SEMA6D: variants seen among roughly 807,000 people sequenced by gnomAD.
SEMA6D encodes semaphorin-6D.
In SEMA6D, 35 loss-of-function variants were observed where a neutral mutation model predicts 106.6. The observed-to-expected ratio is 0.33, with a 90% confidence interval of 0.25 to 0.44. SEMA6D has a LOEUF of 0.44. SEMA6D is among the 20% of genes least tolerant of loss of function. The probability of loss-of-function intolerance (pLI) is 1.00; values close to 1 mark genes in which losing one functional copy is unlikely to be tolerated. For missense variants in SEMA6D, 1,185 were observed against 1,345.9 expected, an observed-to-expected ratio of 0.88 and a Z score of 1.87; for synonymous variants, 499 against 487.7, an observed-to-expected ratio of 1.02 and a Z score of -0.31.
intron 1 of SEMA6D, chr15:47,396,268 T>G (rs2040211096): frequency 6.6e-6 from 1 of 151,822 alleles, no homozygotes; most frequent in African/African-American, 2.4e-5. Flanking sequence ...GCTGTATTAG[T>G]CAGGGATCTC....
Position 47,762,343 on chromosome 15 carries a change from G to A in SEMA6D, c.658+24G>A, listed in dbSNP as rs764326701. 7 of 1,610,306 alleles carry A rather than the reference G, an allele frequency of 4.3e-6. No individual in the cohort carries two copies. In the African/African-American group the frequency reaches 9.4e-5, roughly 22 times the overall value. Reference sequence around the variant, plus strand: ...AGGTACCTTTGAAGAGCAGTGTCGTGGGGTCACCAGGATAGTGGATGGCCC... The same window carrying A: ...AGGTACCTTTGAAGAGCAGTGTCGTAGGGTCACCAGGATAGTGGATGGCCC... On this transcript the variant is annotated intron_variant, in intron 8 of 18. Transcript: ENST00000536845.
chr15:47,554,839 G>A (rs1039318689), intron 3 of SEMA6D, among the ~76,000 whole-genome samples: 5 of 152,092 alleles, frequency 3.3e-5, no homozygotes, highest in South Asian at 2.1e-4. Flanking sequence ...AAAGCAAGGC[G>A]GTCTGTGTTC....
At chr15:47,241,845 A>G (rs1250871238) in intron 1 of SEMA6D, among the ~76,000 whole-genome samples, 1 of 152,108 alleles carries the variant, frequency 6.6e-6, no homozygotes, top group Non-Finnish European at 1.5e-5. Flanking sequence ...ACCTAGCTGA[A>G]TGTAGGGGCA....
At chr15:47,333,063 G>A (rs1315587955) in intron 1 of SEMA6D, among the ~76,000 whole-genome samples, 1 of 152,158 alleles carries the variant, frequency 6.6e-6, no homozygotes, top group Non-Finnish European at 1.5e-5. Flanking sequence ...TTACATGGAA[G>A]CTGTCACTTT....
chr15:47,765,186 C>G (rs1479818082), intron 13 of SEMA6D, 130 bp downstream of exon 13: 77 of 1,438,680 alleles, frequency 5.4e-5, no homozygotes, highest in Non-Finnish European at 7.0e-5. Flanking sequence ...TGTTTTTTTT[C>G]TCATTGAAAT....
chr15:47,593,786 G>C (rs970366444), intron 3 of SEMA6D, among the ~76,000 whole-genome samples: 1 of 152,160 alleles, frequency 6.6e-6, no homozygotes. Context: ...TGGCGGAAGG[G>C]GGAGTAGGTG....
Position 47,247,619 on chromosome 15 carries a change from C to T in SEMA6D, c.-239+63201C>T, listed in dbSNP as rs1595536771. Among the ~76,000 whole-genome samples, 2 of 152,236 alleles carry T rather than the reference C, an allele frequency of 1.3e-5. 1 individual carries two copies. Among genetic ancestry groups the T allele is most frequent in the Admixed American group, 1.3e-4 (2 of 15,298 alleles). On this transcript the variant is annotated intron_variant, in intron 1 of 19. Transcript: ENST00000558014. ...TGATAAACATACTCCTATTTGTTTT[C>T]TTATCTATCTATCTGTCTTCTATAA... is the stretch of plus-strand genomic sequence containing the variant.
intron 1 of SEMA6D, among the ~76,000 whole-genome samples, chr15:47,186,638 T>G (rs113382782): frequency 4.6e-5 from 7 of 152,310 alleles, no homozygotes; most frequent in Admixed American, 1.3e-4. Flanking sequence ...ATTGTTCTTT[T>G]GTCTACTTGT....
intron 1 of SEMA6D, among the ~76,000 whole-genome samples, chr15:47,308,012 A>G (rs1258654990): frequency 5.4e-5 from 8 of 147,680 alleles, no homozygotes; most frequent in Non-Finnish European, 1.0e-4. Context: ...GCCTGCAAAA[A>G]TTTCAGAATT....
rs572348238 is a variant in SEMA6D at position 47,618,275 on chromosome 15, C to T, written c.-55+17379C>T. ...ATCAGACTGTCCTAAAAGAGCAGCT[C>T]ATTTATTTGAAAAACCATACAATCC... On this transcript the variant is annotated intron_variant, in intron 4 of 19. Coordinates refer to the SEMA6D transcript ENST00000558014. Among the ~76,000 whole-genome samples, 23 of 152,310 alleles carry T rather than the reference C, an allele frequency of 1.5e-4. No individual in the cohort carries two copies. The East Asian group carries it at 3.9e-3, about 26-fold the overall frequency.
chr15:47,201,797 T>A (rs62017389), intron 1 of SEMA6D, among the ~76,000 whole-genome samples: 1 of 152,192 alleles, frequency 6.6e-6, no homozygotes. Context: ...AGCCTGTTGC[T>A]GTTGGTCAGA....
chr15:47,517,527 C>T lies in SEMA6D; in HGVS notation c.-87+46982C>T, dbSNP rs139372723. Among the ~76,000 whole-genome samples the T allele has an allele frequency of 4.2e-3, 643 of 152,232 alleles. 3 individuals carry two copies. Among genetic ancestry groups the T allele is most frequent in the Non-Finnish European group, 6.7e-3 (456 of 68,006 alleles). ...TCATTTTTAGATATATCTCAGGAAA[C>T]AGACTGGGAACAAAATATAACCTGA... On this transcript the variant is annotated intron_variant, in intron 3 of 19. Coordinates refer to the SEMA6D transcript ENST00000558014.
intron 1 of SEMA6D, among the ~76,000 whole-genome samples, chr15:47,272,232 CAAGT>C (rs1407196311): frequency 1.3e-5 from 2 of 152,180 alleles, no homozygotes; most frequent in Non-Finnish European, 2.9e-5. Flanking sequence ...TTAAGTTTTA[CAAGT>C]AACAGAATCC....
chr15:47,577,434 A>C (rs1199640452), intron 3 of SEMA6D, among the ~76,000 whole-genome samples: 1 of 152,252 alleles, frequency 6.6e-6, no homozygotes, highest in Admixed American at 6.5e-5. Flanking sequence ...ACATGGCTGC[A>C]TGAGGGCCTC....
At chr15:47,253,662 T>C (rs370483738) in intron 1 of SEMA6D, among the ~76,000 whole-genome samples, 6 of 152,028 alleles carry the variant, frequency 3.9e-5, no homozygotes, top group African/African-American at 1.4e-4. Context: ...AAAAATAATT[T>C]GGCTGTGGAT....
chr15:47,278,747 G>GCA (rs1297279833), intron 1 of SEMA6D, among the ~76,000 whole-genome samples: 1 of 150,670 alleles, frequency 6.6e-6, no homozygotes, highest in African/African-American at 2.4e-5. Flanking sequence ...ATGGTTTTAG[G>GCA]TCTAACGTTT....
At chr15:47,639,354 A>G (rs1219828195) in intron 4 of SEMA6D, among the ~76,000 whole-genome samples, 1 of 152,218 alleles carries the variant, frequency 6.6e-6, no homozygotes, top group Admixed American at 6.5e-5. Context: ...TTGAGTTAAA[A>G]CCCAAAATAT....
At chr15:47,389,251 C>G (rs991359838) in intron 1 of SEMA6D, among the ~76,000 whole-genome samples, 1 of 152,036 alleles carries the variant, frequency 6.6e-6, no homozygotes, top group African/African-American at 2.4e-5. Context: ...TATAAAGTGC[C>G]TAGAATAGTG....
intron 1 of SEMA6D, among the ~76,000 whole-genome samples, chr15:47,220,930 A>G (rs963290861): frequency 6.6e-6 from 1 of 152,236 alleles, no homozygotes; most frequent in Admixed American, 6.5e-5. Flanking sequence ...TTAATCATTA[A>G]TACTTGCATT....
Sources: allele counts gnomAD v4.1 joint callset (sites outside exome capture counted in the v4.1 genomes callset), GRCh38; gene constraint gnomAD v4.1.1; transcripts MANE v1.5; gene names NCBI Gene and HGNC (gene_info 2026-07-23, HGNC 2026-07-21).